The following MRFAP1L2 variants were observed in gnomAD, a reference collection of about 807,000 sequenced individuals.
MRFAP1L2 encodes Morf4 family associated protein 1 like 2, also known as MORF4 family-associated protein 1-like protein UPP.
chr4:6,674,792 T>G, the MRFAP1L2 span: 2 of 479,948 alleles, frequency 4.2e-6, no homozygotes. Context: ...GGTGGGTCAC[T>G]ACGTGGGGGG....
At chr4:6,674,102 A>T in the MRFAP1L2 span, 1,536 of 381,766 alleles carry the variant, frequency 4.0e-3, 6 homozygotes, top group Non-Finnish European at 4.8e-3. Flanking sequence ...TCGCTGCGGA[A>T]AGTTGGGGCA....
the MRFAP1L2 span, chr4:6,674,317 G>C: frequency 1.1e-5 from 7 of 618,788 alleles, no homozygotes; most frequent in South Asian, 1.0e-4. Context: ...CCTCCCTGGA[G>C]CGCGAGCGCG....
At chr4:6,674,853 G>A in the MRFAP1L2 span, 1 of 375,910 alleles carries the variant, frequency 2.7e-6, no homozygotes, top group Non-Finnish European at 4.8e-6. Flanking sequence ...ATGTTGTTAC[G>A]AGATTGGAGC....
At chr4:6,674,374 C>T in the MRFAP1L2 span, 2 of 647,614 alleles carry the variant, frequency 3.1e-6, no homozygotes, top group Non-Finnish European at 5.5e-6. Context: ...AGATCCAGAG[C>T]CTGCTCGACG....
the MRFAP1L2 span, chr4:6,674,764 T>C: frequency 2.0e-6 from 1 of 500,958 alleles, no homozygotes; most frequent in Non-Finnish European, 3.5e-6. Flanking sequence ...ACTGGAAGTA[T>C]TTTCAGGACG....
the MRFAP1L2 span, chr4:6,674,990 T>TAA: frequency 6.3e-6 from 1 of 158,076 alleles, no homozygotes; most frequent in African/African-American, 2.4e-5. Context: ...ACTTGTACTT[T>TAA]AGGTGGCCAA....
At chr4:6,674,107 G>C in the MRFAP1L2 span, 6 of 382,706 alleles carry the variant, frequency 1.6e-5, no homozygotes, top group Non-Finnish European at 4.6e-6. Context: ...GCGGAAAGTT[G>C]GGGCAACCTG....
At chr4:6,676,028 A>G in the MRFAP1L2 span, 2 of 152,386 alleles carry the variant, frequency 1.3e-5, no homozygotes, top group East Asian at 3.8e-4. Flanking sequence ...GGTAAGGTAA[A>G]TAAACATTTT....
chr4:6,676,013 G>GAA, the MRFAP1L2 span: 1 of 152,268 alleles, frequency 6.6e-6, no homozygotes, highest in Non-Finnish European at 1.5e-5. Flanking sequence ...ACTTGGCCAA[G>GAA]AAAAGGTAAG....
chr4:6,674,108 G>C, the MRFAP1L2 span: 3 of 382,802 alleles, frequency 7.8e-6, no homozygotes, highest in African/African-American at 2.1e-5. Context: ...CGGAAAGTTG[G>C]GGCAACCTGT....
chr4:6,674,348 C>T, the MRFAP1L2 span: 3 of 635,108 alleles, frequency 4.7e-6, no homozygotes, highest in Admixed American at 5.0e-5. Context: ...CTGGCGGGCC[C>T]GCAGGAAGCT....
the MRFAP1L2 span, chr4:6,674,741 A>C: frequency 1.9e-6 from 1 of 517,694 alleles, no homozygotes; most frequent in Non-Finnish European, 3.4e-6. Context: ...TGTTGTTGTA[A>C]AGAGTCATGA....
At chr4:6,674,838 T>C in the MRFAP1L2 span, 3 of 410,252 alleles carry the variant, frequency 7.3e-6, no homozygotes, top group Non-Finnish European at 1.3e-5. Flanking sequence ...GCTGGAAACG[T>C]GTGAATGTTG....
the MRFAP1L2 span, chr4:6,674,311 C>G: frequency 1.6e-6 from 1 of 615,502 alleles, no homozygotes; most frequent in South Asian, 1.7e-5. Context: ...ACCTGGCCTC[C>G]CTGGAGCGCG....
At chr4:6,674,383 C>G in the MRFAP1L2 span, 1 of 648,784 alleles carries the variant, frequency 1.5e-6, no homozygotes, top group Non-Finnish European at 2.8e-6. Context: ...GCCTGCTCGA[C>G]GCCATCAAGA....
the MRFAP1L2 span, chr4:6,675,970 T>G: frequency 4.6e-5 from 7 of 152,310 alleles, no homozygotes; most frequent in African/African-American, 1.7e-4. Flanking sequence ...AAGCCAGTGT[T>G]TAGAATCTTT....
At chr4:6,674,920 T>G in the MRFAP1L2 span, 1 of 223,700 alleles carries the variant, frequency 4.5e-6, no homozygotes, top group Non-Finnish European at 8.8e-6. Context: ...TGGGTTTGTT[T>G]GACTCCCGGA....
At chr4:6,675,977 CTT>C in the MRFAP1L2 span, 2 of 152,186 alleles carry the variant, frequency 1.3e-5, no homozygotes, top group Non-Finnish European at 1.5e-5. Flanking sequence ...TGTTTAGAAT[CTT>C]TGTGCAGATG....
chr4:6,674,434 A>AC, the MRFAP1L2 span: 1 of 656,666 alleles, frequency 1.5e-6, no homozygotes, highest in Non-Finnish European at 2.7e-6. Flanking sequence ...GGGCCCCAGC[A>AC]CCCCGCCCGC....
Sources: gnomAD v4.1 joint callset for allele counts on GRCh38, gnomAD v4.1.1 for gene constraint, MANE v1.5 for transcripts, NCBI Gene and HGNC (gene_info 2026-07-23, HGNC 2026-07-21) for gene names.